The following NBEAL1 variants were observed in gnomAD, a reference collection of about 807,000 sequenced individuals.
NBEAL1 encodes neurobeachin-like protein 1.
NBEAL1 carries 273 observed loss-of-function variants against 351.3 expected under a neutral mutation model. That is an observed-to-expected ratio of 0.78 (90% CI 0.70 to 0.86). The LOEUF is 0.86. Among genes scored for constraint, NBEAL1 ranks in the 40% least tolerant of loss-of-function variants. The probability of loss-of-function intolerance (pLI) is 0.00; values close to 1 mark genes in which losing one functional copy is unlikely to be tolerated. For missense variants in NBEAL1, 2,961 were observed against 3,201.3 expected (o/e 0.92, Z 1.81); for synonymous variants, 1,050 against 1,086.4 (o/e 0.97, Z 0.66).
Position 203,223,802 on chromosome 2 carries a change from G to C in NBEAL1, c.*6448G>C, listed in dbSNP as rs958152783. ...AACATGTTTTACAATTTAGTGGGATGAACCTACAAATTCATAAATGCTTCT... is the reference window on the plus strand; with the variant it reads ...AACATGTTTTACAATTTAGTGGGATCAACCTACAAATTCATAAATGCTTCT... On this transcript the variant is annotated 3_prime_UTR_variant, in exon 56 of 56. Transcript: ENST00000683969. Among the ~76,000 whole-genome samples, 4 of 151,972 alleles carry C rather than the reference G, an allele frequency of 2.6e-5. No homozygotes were observed. Among genetic ancestry groups the C allele is most frequent in the African/African-American group, 9.7e-5 (4 of 41,424 alleles).
At chr2:203,176,373 G>A (rs1324123944) in intron 42 of NBEAL1, among the ~76,000 whole-genome samples, 2 of 151,688 alleles carry the variant, frequency 1.3e-5, no homozygotes, top group African/African-American at 2.4e-5. Flanking sequence ...TAAGTGATCA[G>A]CCCACCTTGG....
At chr2:203,203,318 ATTGTATTTT>A (rs1198512073) in intron 51 of NBEAL1, among the ~76,000 whole-genome samples, 140 of 116,408 alleles carry the variant, frequency 1.2e-3, no homozygotes, top group African/African-American at 3.9e-3. Context: ...TTTTTTTTTT[ATTGTATTTT>A]TTGTATTTTT....
At chr2:203,086,435 G>C (rs564393863) in intron 10 of NBEAL1, among the ~76,000 whole-genome samples, 5 of 152,220 alleles carry the variant, frequency 3.3e-5, no homozygotes, top group African/African-American at 1.2e-4. Flanking sequence ...CAAATTTCTT[G>C]TTGTTAGTTC....
At chr2:203,134,425 T>G (rs1289741452) in intron 27 of NBEAL1, among the ~76,000 whole-genome samples, 1 of 152,186 alleles carries the variant, frequency 6.6e-6, no homozygotes, top group African/African-American at 2.4e-5. Flanking sequence ...TGATTGATAT[T>G]GTATTAATAA....
intron 14 of NBEAL1, among the ~76,000 whole-genome samples, chr2:203,109,434 A>C (rs2062511839): frequency 6.6e-6 from 1 of 152,208 alleles, no homozygotes; most frequent in Non-Finnish European, 1.5e-5. Flanking sequence ...AATATATATA[A>C]ATATGGTATA....
rs1559075700 is a variant in NBEAL1, at chr2:203,224,803, G to GC, written c.*7455dup. ...ACTGTGACTCAGTGGATATTTGTAT[G>GC]CCCCCCAAAAACATTTTAAAGCTGA... On this transcript the variant is annotated 3_prime_UTR_variant, in exon 56 of 56. Coordinates refer to ENST00000683969, the MANE Select transcript of NBEAL1 (RefSeq NM_001378026.1). 6.6e-6 allele frequency among the ~76,000 whole-genome samples: 1 copy of GC among 152,154 alleles called. No individual in the cohort carries two copies. Among genetic ancestry groups the GC allele is most frequent in the Non-Finnish European group, 1.5e-5 (1 of 67,976 alleles).
chr2:203,042,379 C>T (rs530561716), intron 3 of NBEAL1, among the ~76,000 whole-genome samples: 110 of 152,320 alleles, frequency 7.2e-4, no homozygotes, highest in African/African-American at 2.4e-3. Context: ...AGAGCTTCCA[C>T]GCCCTCTCCC....
In NBEAL1 at chr2:203,199,443, C is replaced by A. The variant is rs761198332; in HGVS notation, c.7234C>A (p.Pro2412Thr). 3.2e-6 allele frequency: 5 copies of A among 1,544,928 alleles called. No individual in the cohort carries two copies. In the Admixed American group the frequency reaches 6.7e-5, roughly 21 times the overall value. The change falls in exon 49 of 56, where the codon CCA becomes ACA. Residue 2412 changes from proline to threonine, a missense_variant. Transcript: ENST00000683969. ...CATCAAGGATCAAACTGTGACAAAT[C>A]CAAAGTAAGTAAATGAATATGTAAA... is the stretch of plus-strand genomic sequence containing the variant. ...TFIKDQTVTN[P>T]KTQRSINGSF...
intron 36 of NBEAL1, among the ~76,000 whole-genome samples, chr2:203,158,087 A>G (rs554650551): frequency 6.6e-6 from 1 of 152,336 alleles, no homozygotes; most frequent in African/African-American, 2.4e-5. Flanking sequence ...TGTGAGATTC[A>G]GCTATACCTG....
chr2:203,186,786 C>G (rs969095548), intron 44 of NBEAL1, among the ~76,000 whole-genome samples: 4 of 152,134 alleles, frequency 2.6e-5, no homozygotes, highest in African/African-American at 9.7e-5. Flanking sequence ...TTATAGGTTT[C>G]TTATGTGTCA....
intron 18 of NBEAL1, among the ~76,000 whole-genome samples, chr2:203,117,331 C>T (rs957526209): frequency 2.0e-5 from 3 of 152,000 alleles, no homozygotes; most frequent in Non-Finnish European, 2.9e-5. Flanking sequence ...GGCGCGGTGG[C>T]GGGCGCCTGT....
chr2:203,191,361 T>G (rs1347834773), intron 46 of NBEAL1: 2 of 127,160 alleles, frequency 1.6e-5, no homozygotes, highest in South Asian at 1.9e-4. Flanking sequence ...ATATTTAAAA[T>G]GTAGAATCAA....
At chr2:203,091,038 A>G (rs1014229185) in intron 10 of NBEAL1, among the ~76,000 whole-genome samples, 3 of 152,134 alleles carry the variant, frequency 2.0e-5, no homozygotes, top group African/African-American at 7.2e-5. Context: ...TTTAGTGTAC[A>G]CTTCAGTGGT....
intron 26 of NBEAL1, 64 bp from the exon 27 acceptor site, chr2:203,132,994 T>C: frequency 1.5e-6 from 1 of 682,164 alleles, no homozygotes; most frequent in Non-Finnish European, 2.5e-6. Context: ...ACAAGTATTA[T>C]CCACAGTTCT....
chr2:203,124,745 A>G (rs533701256), intron 19 of NBEAL1, among the ~76,000 whole-genome samples: 5 of 152,336 alleles, frequency 3.3e-5, no homozygotes, highest in African/African-American at 7.2e-5. Context: ...CACTTTTTAT[A>G]TATTAGCTTA....
At chr2:203,036,928 A>G (rs1348496610) in intron 2 of NBEAL1, among the ~76,000 whole-genome samples, 5 of 149,236 alleles carry the variant, frequency 3.4e-5, no homozygotes, top group Non-Finnish European at 7.5e-5. Context: ...AACAATGGTA[A>G]GGAAAACTTC....
At chr2:203,187,338 A>T (rs10932009) in intron 44 of NBEAL1, among the ~76,000 whole-genome samples, 2 of 146,148 alleles carry the variant, frequency 1.4e-5, no homozygotes, top group African/African-American at 2.6e-5. Flanking sequence ...GGTAACAGAC[A>T]TGAGCCACCA....
At chr2:203,020,670 CAAAAA>C (rs201438851) in intron 2 of NBEAL1, among the ~76,000 whole-genome samples, 1 of 58,986 alleles carries the variant, frequency 1.7e-5, no homozygotes. Context: ...GACTCTGTCT[CAAAAA>C]AAAAAAAAAA....
chr2:203,110,087 C>CT, intron 14 of NBEAL1, 63 bp from the exon 15 acceptor site: 1 of 1,444,778 alleles, frequency 6.9e-7, no homozygotes, highest in Non-Finnish European at 9.3e-7. Flanking sequence ...GTTTTATGTA[C>CT]TTTAATGATG....
Sources: gnomAD v4.1 joint callset for allele counts (sites outside exome capture counted in the v4.1 genomes callset) on GRCh38, gnomAD v4.1.1 for gene constraint, MANE v1.5 for transcripts, NCBI Gene and HGNC (gene_info 2026-07-23, HGNC 2026-07-21) for gene names.